Variants in CADM2 observed in about 807,000 individuals in gnomAD.
CADM2 encodes the protein cell adhesion molecule 2, also known as immunoglobulin superfamily member 4D.
Under a neutral mutation model 49.8 loss-of-function variants are expected in CADM2, and 12 were observed. The observed-to-expected ratio is 0.24, with a 90% CI of 0.15 to 0.39. CADM2 has a LOEUF of 0.39. Ranked by LOEUF, CADM2 falls within the 10% of genes least tolerant of loss-of-function variation. The pLI is 1.00. For synonymous variants in CADM2, 214 were observed against 175.4 expected (o/e 1.22, Z -1.74); for missense variants, 378 against 492.3 (o/e 0.77, Z 2.20).
chr3:85,348,005 C>T (rs184568989), intron 1 of CADM2, among the ~76,000 whole-genome samples: 44 of 152,126 alleles, frequency 2.9e-4, no homozygotes, highest in East Asian at 1.6e-3. Context: ...GACAGGTTTT[C>T]GCCATGATAA....
At chr3:85,809,728 C>G (rs2072707393) in intron 3 of CADM2, among the ~76,000 whole-genome samples, 2 of 117,394 alleles carry the variant, frequency 1.7e-5, no homozygotes, top group African/African-American at 6.9e-5. Flanking sequence ...TCGTTCCTTC[C>G]CTCCCTCCCT....
intron 1 of CADM2, among the ~76,000 whole-genome samples, chr3:85,437,879 T>C (rs187969934): frequency 8.2e-4 from 124 of 152,118 alleles, no homozygotes; most frequent in African/African-American, 2.9e-3. Context: ...GGCTTTTAAA[T>C]TAAATTTCAT....
At chr3:85,694,702 G>T (rs1353166616) in intron 1 of CADM2, among the ~76,000 whole-genome samples, 2 of 152,040 alleles carry the variant, frequency 1.3e-5, no homozygotes, top group African/African-American at 4.8e-5. Flanking sequence ...CACACTCCCA[G>T]CTGCCCCTGG....
At chr3:85,012,721 A>C (rs1326984876) in intron 1 of CADM2, among the ~76,000 whole-genome samples, 1 of 151,132 alleles carries the variant, frequency 6.6e-6, no homozygotes, top group African/African-American at 2.4e-5. Context: ...TAGGAAAATA[A>C]CAATATTATA....
chr3:85,622,861 C>A lies in CADM2; in HGVS notation c.62-103661C>A, dbSNP rs1009741824. Among the ~76,000 whole-genome samples the A allele has an allele frequency of 3.9e-5, 6 of 152,150 alleles. No homozygotes were observed. In the East Asian group the frequency reaches 9.7e-4, roughly 25 times the overall value. On this transcript the variant is annotated intron_variant, in intron 1 of 9. Transcript: ENST00000383699. ...ACATTCTTTTCTCATGAAGTGTCTG[C>A]AAATTTTTTTTGTTTTGTTTTGTTT... is the stretch of plus-strand genomic sequence containing the variant.
intron 1 of CADM2, among the ~76,000 whole-genome samples, chr3:85,336,466 C>T (rs865955095): frequency 6.6e-6 from 1 of 151,278 alleles, no homozygotes; most frequent in South Asian, 2.1e-4. Context: ...ACGTAAAGCT[C>T]AATGGCAAAT....
chr3:85,102,831 T>C (rs544954685), intron 1 of CADM2, among the ~76,000 whole-genome samples: 6 of 152,216 alleles, frequency 3.9e-5, no homozygotes, highest in African/African-American at 7.2e-5. Flanking sequence ...CCTCCCATAG[T>C]AGTATATTTT....
At chr3:85,477,324 C>T (rs190650314) in intron 1 of CADM2, among the ~76,000 whole-genome samples, 1 of 150,776 alleles carries the variant, frequency 6.6e-6, no homozygotes, top group East Asian at 2.0e-4. Flanking sequence ...TAGTTCTTTA[C>T]TTCAACACTT....
intron 1 of CADM2, among the ~76,000 whole-genome samples, chr3:85,468,227 T>A (rs535734335): frequency 2.0e-5 from 3 of 150,390 alleles, no homozygotes; most frequent in Admixed American, 2.0e-4. Flanking sequence ...GAGACCACTG[T>A]CTGTTGTTTG....
At chr3:86,031,355 T>C (rs1734538057) in intron 8 of CADM2, among the ~76,000 whole-genome samples, 1 of 151,816 alleles carries the variant, frequency 6.6e-6, no homozygotes, top group Admixed American at 6.6e-5. Context: ...CATTAAGATA[T>C]GAACCATCTG....
intron 1 of CADM2, among the ~76,000 whole-genome samples, chr3:85,478,927 GTTTTGTT>G: frequency 6.6e-6 from 1 of 151,836 alleles, no homozygotes; most frequent in East Asian, 1.9e-4. Flanking sequence ...AAGTTATGAA[GTTTTGTT>G]TTTATTTTAT....
intron 1 of CADM2, among the ~76,000 whole-genome samples, chr3:84,991,703 G>A (rs894583822): frequency 6.6e-6 from 1 of 152,184 alleles, no homozygotes; most frequent in Non-Finnish European, 1.5e-5. Flanking sequence ...GCACATGGAT[G>A]TTTATAGCAG....
chr3:86,013,652 A>G, intron 8 of CADM2: 2 of 1,603,166 alleles, frequency 1.2e-6, no homozygotes, highest in Non-Finnish European at 1.7e-6. Context: ...TGGACATAGC[A>G]GGGGAAGAGC....
At chr3:85,567,603 G>T (rs1245626063) in intron 1 of CADM2, among the ~76,000 whole-genome samples, 2 of 151,732 alleles carry the variant, frequency 1.3e-5, no homozygotes, top group Non-Finnish European at 2.9e-5. Flanking sequence ...TGTTTTGAAT[G>T]GTATATTAGA....
At chr3:85,441,415 G>A (rs2037196229) in intron 1 of CADM2, among the ~76,000 whole-genome samples, 1 of 151,922 alleles carries the variant, frequency 6.6e-6, no homozygotes. Context: ...GATGCTGGTA[G>A]TCGGCAAAAT....
At chr3:85,217,047 A>G (rs1431283182) in intron 1 of CADM2, among the ~76,000 whole-genome samples, 2 of 151,942 alleles carry the variant, frequency 1.3e-5, no homozygotes, top group Non-Finnish European at 2.9e-5. Context: ...AAGATTCACT[A>G]ATGAACTGGG....
chr3:85,957,203 TAAA>T (rs945949906), intron 7 of CADM2, among the ~76,000 whole-genome samples: 4 of 151,760 alleles, frequency 2.6e-5, no homozygotes, highest in African/African-American at 4.8e-5. Flanking sequence ...AAATAGCAGT[TAAA>T]AGATTTAGGA....
intron 1 of CADM2, among the ~76,000 whole-genome samples, chr3:85,126,557 T>C (rs1346097562): frequency 3.3e-5 from 5 of 152,178 alleles, no homozygotes; most frequent in African/African-American, 1.2e-4. Flanking sequence ...TTTAGCTTGG[T>C]CTTTTATTTC....
At chr3:86,014,301 G>C in intron 8 of CADM2, 1 of 1,352,032 alleles carries the variant, frequency 7.4e-7, no homozygotes, top group Non-Finnish European at 1.0e-6. Flanking sequence ...TCTTAAAAAT[G>C]TCCTATCTTT....
Sources: allele counts gnomAD v4.1 joint callset (sites outside exome capture counted in the v4.1 genomes callset), GRCh38; gene constraint gnomAD v4.1.1; transcripts MANE v1.5; gene names NCBI Gene and HGNC (gene_info 2026-07-23, HGNC 2026-07-21).